ENY2: variants seen among roughly 807,000 people sequenced by gnomAD.
ENY2 encodes transcription and mRNA export factor ENY2.
ENY2 carries 4 observed loss-of-function variants against 15.9 expected under a neutral mutation model. The observed-to-expected ratio is 0.25, with a 90% CI of 0.12 to 0.57. The LOEUF is 0.57. Ranked by LOEUF, ENY2 falls within the 20% of genes least tolerant of loss-of-function variation. The pLI is 0.91. For missense variants in ENY2, 54 were observed against 117.2 expected (o/e 0.46, Z 2.49); for synonymous variants, 48 against 38.0 (o/e 1.26, Z -0.97).
chr8:109,340,108 A>C (rs930937993), intron 3 of ENY2, among the ~76,000 whole-genome samples: 63 of 152,294 alleles, frequency 4.1e-4, no homozygotes, highest in Admixed American at 1.0e-3. Flanking sequence ...GAAGTGGGAA[A>C]ATGCCTAGCC....
intron 2 of ENY2, chr8:109,336,573 C>T (rs1308508327): frequency 1.7e-5 from 3 of 172,194 alleles, no homozygotes; most frequent in Non-Finnish European, 2.5e-5. Context: ...TGTTTCCACT[C>T]TCTAAAACAT....
In ENY2 at chr8:109,340,532, C is replaced by A. The variant is rs1486686468; in HGVS notation, c.198C>A (p.Asp66Glu). The A allele has an allele frequency of 2.5e-6, 4 of 1,613,496 alleles. No individual in the cohort carries two copies. Among genetic ancestry groups the A allele is most frequent in the Admixed American group, 1.7e-5 (1 of 60,016 alleles). ...GACTAGAACACGTTACTGTTGATGA[C>A]TTGGTGGCTGAAATCACTCCAAAAG... ...EKGLEHVTVDDLVAEITPKGR... is the reference protein window; with the variant it reads ...EKGLEHVTVDELVAEITPKGR... Residue 66 changes from aspartate (D) to glutamate (E), a missense_variant, in exon 4 of 5, where the codon GAC (aspartate) becomes GAA (glutamate). By Grantham distance (45) the Asp-to-Glu change is conservative. Transcript: ENST00000521688.
intron 2 of ENY2, among the ~76,000 whole-genome samples, chr8:109,337,831 G>A (rs1022256295): frequency 1.3e-5 from 2 of 152,086 alleles, no homozygotes; most frequent in African/African-American, 2.4e-5. Context: ...CTCGGGAGGC[G>A]GAGGTTGCGG....
At chr8:109,339,197 C>T (rs1276701441) in intron 2 of ENY2, 123 bp from the exon 3 acceptor site, 2 of 762,930 alleles carry the variant, frequency 2.6e-6, no homozygotes, top group Non-Finnish European at 4.3e-6. Context: ...AAGATTAGGC[C>T]ACAGTTAAAG....
At chr8:109,338,602 T>A (rs1816044143) in intron 2 of ENY2, 1 of 152,126 alleles carries the variant, frequency 6.6e-6, no homozygotes, top group South Asian at 2.1e-4. Flanking sequence ...AGAAGTTAAA[T>A]GATTTAGGTT....
chr8:109,340,757 CT>C, intron 4 of ENY2, 194 bp downstream of exon 4: 1 of 610,360 alleles, frequency 1.6e-6, no homozygotes, highest in Non-Finnish European at 2.8e-6. Context: ...TTTCAGTGTT[CT>C]TGTACTCTAG....
intron 2 of ENY2, chr8:109,336,478 A>T (rs1005531966): frequency 3.4e-6 from 1 of 291,240 alleles, no homozygotes. Context: ...AACTGGAGAC[A>T]TAATGTTACC....
At position 109,345,139 on chromosome 8, in the gene ENY2, G is replaced by C. The variant is rs537966724; in HGVS notation, c.*1658G>C. 8.9e-4 allele frequency: 136 copies of C among 152,220 alleles called. No homozygotes were observed. Among genetic ancestry groups the C allele is most frequent in the African/African-American group, 3.2e-3 (132 of 41,542 alleles). The allele number at this position is 152,220 out of a possible 1,614,324, so 9.4% of individuals were successfully genotyped here. The stretch of plus-strand genomic sequence containing the variant: ...TCAGCTTTAGTTGCTAAAACATTCA[G>C]ACATCCCTCTGACTTAGATCCCCCA... On this transcript the variant is annotated 3_prime_UTR_variant, in exon 5 of 5. Coordinates refer to ENST00000521688, the MANE Select transcript of ENY2 (RefSeq NM_020189.6).
intron 1 of ENY2, 117 bp downstream of exon 1, chr8:109,334,591 A>T: frequency 7.8e-7 from 1 of 1,288,076 alleles, no homozygotes; most frequent in Non-Finnish European, 1.0e-6. Context: ...GGGCTCTCCG[A>T]CAGGGCGTGC....
At position 109,339,379 on chromosome 8, in the gene ENY2, C is replaced by T. The variant is rs749160278; in HGVS notation, c.143C>T (p.Ala48Val). The T allele has an allele frequency of 6.2e-7, 1 of 1,613,676 alleles. No individual in the cohort carries two copies. The highest frequency in any genetic ancestry group is 8.5e-7 in the Non-Finnish European group (1 of 1,179,678). ...IECGWKDQLK[A>V]HCKEVIKEKG... ...TGTGGCTGGAAGGATCAGTTGAAGG[C>T]ACACTGTAAAGGTAATCAGTTTCAT... Residue 48 changes from alanine to valine, a missense_variant, in exon 3 of 5, where the codon GCA (alanine) becomes GTA (valine). Coordinates refer to ENST00000521688, the MANE Select transcript of ENY2 (RefSeq NM_020189.6).
chr8:109,337,853 C>T (rs1326756437), intron 2 of ENY2, among the ~76,000 whole-genome samples: 2 of 151,686 alleles, frequency 1.3e-5, no homozygotes, highest in East Asian at 1.9e-4. Flanking sequence ...GAGCTGAGAT[C>T]GCGCCACTTC....
chr8:109,338,327 G>A (rs1816036566), intron 2 of ENY2: 1 of 152,154 alleles, frequency 6.6e-6, no homozygotes, highest in African/African-American at 2.4e-5. Context: ...TCATAAATTG[G>A]ATGTGTAGTG....
chr8:109,336,680 T>A (rs1220575992), intron 2 of ENY2: 1 of 153,920 alleles, frequency 6.5e-6, no homozygotes, highest in Admixed American at 6.5e-5. Flanking sequence ...CCAAATACCT[T>A]GTTCCATCAT....
chr8:109,336,059 C>T, intron 1 of ENY2, 69 bp from the exon 2 acceptor site: 1 of 1,436,588 alleles, frequency 7.0e-7, no homozygotes. Flanking sequence ...GTTAGGATGC[C>T]TGCCTAGAGG....
chr8:109,339,474 G>T, intron 3 of ENY2, 84 bp downstream of exon 3: 1 of 1,089,108 alleles, frequency 9.2e-7, no homozygotes, highest in South Asian at 1.3e-5. Context: ...AAGGTATATT[G>T]AGTATTCAAG....
chr8:109,342,156 A>AC (rs372493260), intron 4 of ENY2, among the ~76,000 whole-genome samples: 2,332 of 141,676 alleles, frequency 0.016, 19 homozygotes, highest in Non-Finnish European at 0.02. Context: ...GTTTTAGTTA[A>AC]CCCCCCCCTT....
chr8:109,342,043 A>C (rs969394904), intron 4 of ENY2, among the ~76,000 whole-genome samples: 1 of 152,202 alleles, frequency 6.6e-6, no homozygotes, highest in Admixed American at 6.5e-5. Flanking sequence ...CAGTTTGTAA[A>C]GAAGAATATC....
In ENY2 at chr8:109,345,699, T is replaced by C. The variant is rs1051995755; in HGVS notation, c.*2218T>C. ...GTATATGGAAATAAACCAAATTTGC[T>C]CATAGAGATACTATTTTATTACCTC... On this transcript the variant is annotated 3_prime_UTR_variant, in exon 5 of 5. Transcript: ENST00000521688. 12 of 152,076 alleles carry C rather than the reference T, an allele frequency of 7.9e-5. No individual in the cohort carries two copies. Among genetic ancestry groups the C allele is most frequent in the Admixed American group, 5.9e-4 (9 of 15,252 alleles). The allele number at this position is 152,076 out of a possible 1,614,324, so 9.4% of individuals were successfully genotyped here. A position where few individuals can be genotyped will look rare whatever the true frequency, so the allele number is the denominator to read the frequency against.
intron 4 of ENY2, among the ~76,000 whole-genome samples, chr8:109,341,633 A>C (rs925501561): frequency 1.3e-5 from 2 of 152,170 alleles, no homozygotes; most frequent in Non-Finnish European, 2.9e-5. Flanking sequence ...GGACATTTCA[A>C]TGTCTTGTAG....
Sources: allele counts gnomAD v4.1 joint callset (sites outside exome capture counted in the v4.1 genomes callset), GRCh38; gene constraint gnomAD v4.1.1; transcripts MANE v1.5; gene names NCBI Gene and HGNC (gene_info 2026-07-23, HGNC 2026-07-21).